The following EPB41L3 variants were observed in gnomAD, a reference collection of about 807,000 sequenced individuals.
EPB41L3 encodes erythrocyte membrane protein band 4.1 like 3.
Under a neutral mutation model 127.1 loss-of-function variants are expected in EPB41L3, and 57 were observed. That is an observed-to-expected ratio of 0.45 (90% CI 0.36 to 0.56). The LOEUF (loss-of-function observed/expected upper bound fraction) is 0.56. Among genes scored for constraint, EPB41L3 ranks in the 20% least tolerant of loss-of-function variants. The pLI, the probability that EPB41L3 is intolerant of heterozygous loss-of-function variation, is 0.00. For missense variants in EPB41L3, 1,273 were observed against 1,372.2 expected, an observed-to-expected ratio of 0.93 and a Z score of 1.14; for synonymous variants, 572 against 549.5, an observed-to-expected ratio of 1.04 and a Z score of -0.57.
Position 5,416,078 on chromosome 18 carries a change from C to A in EPB41L3, c.1807G>T (p.Asp603Tyr), listed in dbSNP as rs1054956720. ...AGGTTGGGGAAAGAGAGGTATCCAT[C>A]ATCATCTAGGAGGGAGGGGAATGAC... is the stretch of plus-strand genomic sequence containing the variant. Reference protein sequence around the residue: ...PESFPSLLDDDGYLSFPNLSE... With the variant: ...PESFPSLLDDYGYLSFPNLSE... The change falls in exon 13 of 23, where the codon GAT (aspartate) becomes TAT (tyrosine). Residue 603 changes from aspartate to tyrosine, a missense_variant. By Grantham distance (160) the Asp-to-Tyr change is radical. Around this residue, in one of 3 missense-constraint regions of EPB41L3, gnomAD observed 765 missense variants for 782.9 expected, o/e 0.98. Coordinates refer to ENST00000341928, the MANE Select transcript of EPB41L3 (RefSeq NM_012307.5). 7 of 1,612,800 alleles carry A rather than the reference C, an allele frequency of 4.3e-6. No individual in the cohort carries two copies. Among genetic ancestry groups the A allele is most frequent in the African/African-American group, 2.7e-5 (2 of 74,872 alleles).
At position 5,415,958 on chromosome 18, in the gene EPB41L3, G is replaced by C; in HGVS notation, c.1927C>G (p.Leu643Val). 3 of 1,614,134 alleles carry C rather than the reference G, an allele frequency of 1.9e-6. No individual in the cohort carries two copies. The South Asian group carries it at 3.3e-5, about 18-fold the overall frequency. Residue 643 changes from leucine to valine, a missense_variant, in exon 13 of 23, where the codon CTG becomes GTG. Coordinates refer to ENST00000341928, the MANE Select transcript of EPB41L3 (RefSeq NM_012307.5). ...VPCFLFIFFF[L>V]LSASFSVPYA... ...GGCACTGAGAAGGAGGCAGACAGCA[G>C]AAAGAAAAAGATGAAGAGGAAACAG...
At position 5,416,253 on chromosome 18, in the gene EPB41L3, C is replaced by T. The variant is rs201925314; in HGVS notation, c.1632G>A (p.Pro544=). The T allele has an allele frequency of 1.9e-5, 30 of 1,614,008 alleles. No individual in the cohort carries two copies. The highest frequency in any genetic ancestry group is 5.3e-5 in the African/African-American group (4 of 74,904). The change falls in exon 13 of 23, where the codon CCG becomes CCA. Residue 544 remains proline (P), a synonymous_variant. Coordinates refer to ENST00000341928, the MANE Select transcript of EPB41L3 (RefSeq NM_012307.5). ...ENDCKLPGYE[P]SRAEHLPGEP... Reference sequence around the variant, plus strand: ...CTCCAGGCAGGTGCTCAGCTCTGGACGGCTCATAACCTGGCAGTTTGCAGT... The same window carrying T: ...CTCCAGGCAGGTGCTCAGCTCTGGATGGCTCATAACCTGGCAGTTTGCAGT...
At chr18:5,398,717 G>A (rs1459123883) in intron 16 of EPB41L3, 1 of 399,378 alleles carries the variant, frequency 2.5e-6, no homozygotes, top group African/African-American at 2.1e-5. Context: ...CTGGTTCCTG[G>A]GAATATCTCC....
chr18:5,563,103 G>A (rs2094154571), intron 3 of EPB41L3, among the ~76,000 whole-genome samples: 1 of 152,204 alleles, frequency 6.6e-6, no homozygotes, highest in Admixed American at 6.5e-5. Flanking sequence ...GAGGATGAGG[G>A]GAAGGGATTC....
intron 6 of EPB41L3, among the ~76,000 whole-genome samples, chr18:5,436,127 G>GT (rs71163228): frequency 0.075 from 11,413 of 152,170 alleles, 562 homozygotes; most frequent in Middle Eastern, 0.13. Context: ...AGACCCCAAG[G>GT]TAAGTGTTAA....
intron 11 of EPB41L3, 193 bp from the exon 12 acceptor site, chr18:5,420,070 G>C (rs1568082965): frequency 8.4e-7 from 1 of 1,191,560 alleles, no homozygotes; most frequent in Non-Finnish European, 1.1e-6. Flanking sequence ...ACAAATCAGT[G>C]CTGCAGGGAC....
intron 3 of EPB41L3, among the ~76,000 whole-genome samples, chr18:5,470,641 A>G (rs900907918): frequency 6.6e-6 from 1 of 152,248 alleles, no homozygotes; most frequent in Non-Finnish European, 1.5e-5. Flanking sequence ...ACAGTCAAAC[A>G]GACTTATGTC....
chr18:5,482,930 CCT>C (rs2088876360), intron 2 of EPB41L3, among the ~76,000 whole-genome samples: 1 of 152,136 alleles, frequency 6.6e-6, no homozygotes, highest in African/African-American at 2.4e-5. Context: ...ATGTATCAAA[CCT>C]AGTGGTAAAA....
intron 10 of EPB41L3, among the ~76,000 whole-genome samples, chr18:5,423,896 A>C (rs1377305800): frequency 2.0e-5 from 3 of 152,144 alleles, no homozygotes; most frequent in Admixed American, 2.0e-4. Flanking sequence ...GCCTAATTTG[A>C]TGGGTCTCGT....
At chr18:5,574,884 T>C (rs2094322339) in intron 3 of EPB41L3, among the ~76,000 whole-genome samples, 1 of 152,154 alleles carries the variant, frequency 6.6e-6, no homozygotes, top group Non-Finnish European at 1.5e-5. Context: ...AGTATGACCA[T>C]ATGCTGAGTC....
At chr18:5,605,667 TC>T (rs1470193092) in intron 3 of EPB41L3, among the ~76,000 whole-genome samples, 1 of 152,158 alleles carries the variant, frequency 6.6e-6, no homozygotes, top group East Asian at 1.9e-4. Context: ...TCAAGTGGTC[TC>T]CCACCTCGGC....
At chr18:5,450,308 C>T in intron 3 of EPB41L3, among the ~76,000 whole-genome samples, 1 of 152,052 alleles carries the variant, frequency 6.6e-6, no homozygotes, top group East Asian at 1.9e-4. Flanking sequence ...GGATGAACAG[C>T]ACAAAGAACA....
intron 5 of EPB41L3, among the ~76,000 whole-genome samples, chr18:5,439,649 A>G (rs2080379996): frequency 6.6e-6 from 1 of 152,210 alleles, no homozygotes; most frequent in African/African-American, 2.4e-5. Flanking sequence ...CATTCAAAAT[A>G]TATCTGTCAG....
At chr18:5,423,849 A>G (rs369704015) in intron 10 of EPB41L3, among the ~76,000 whole-genome samples, 3 of 152,338 alleles carry the variant, frequency 2.0e-5, no homozygotes, top group African/African-American at 7.2e-5. Flanking sequence ...ATAGTTTGAT[A>G]TTAGTGAAGA....
intron 9 of EPB41L3, among the ~76,000 whole-genome samples, chr18:5,428,054 C>T (rs908531892): frequency 5.9e-5 from 9 of 152,200 alleles, no homozygotes; most frequent in Non-Finnish European, 8.8e-5. Flanking sequence ...CGCACCCGGC[C>T]GAGACTGGAT....
chr18:5,468,857 A>C (rs913736475), intron 3 of EPB41L3, among the ~76,000 whole-genome samples: 1 of 152,218 alleles, frequency 6.6e-6, no homozygotes, highest in Non-Finnish European at 1.5e-5. Context: ...TGGAGATTTC[A>C]GTGAGCTGAG....
At chr18:5,470,358 T>C (rs1000779204) in intron 3 of EPB41L3, among the ~76,000 whole-genome samples, 1 of 152,238 alleles carries the variant, frequency 6.6e-6, no homozygotes, top group African/African-American at 2.4e-5. Context: ...AGCAAAACTT[T>C]ACATTAAAGT....
chr18:5,416,342 G>A lies in EPB41L3; in HGVS notation c.1543C>T (p.Pro515Ser), dbSNP rs770217031. 3 of 1,613,860 alleles carry A rather than the reference G, an allele frequency of 1.9e-6. No individual in the cohort carries two copies. The highest frequency in any genetic ancestry group is 2.2e-5 in the East Asian group (1 of 44,884). ...GLGTDSCPLSPPSTHCAPTSP... is the reference protein window; with the variant it reads ...GLGTDSCPLSSPSTHCAPTSP... ...GTGGGGGCACAATGGGTGGATGGGG[G>A]TGACAAGGGACATGAGTCAGTGCCA... The change falls in exon 13 of 23, where the codon CCC becomes TCC. Residue 515 changes from proline to serine, a missense_variant. Physicochemically the swap from Pro to Ser is moderately conservative, Grantham distance 74. Around this residue, in one of 3 missense-constraint regions of EPB41L3, gnomAD observed 765 missense variants for 782.9 expected, o/e 0.98. Coordinates refer to ENST00000341928, the MANE Select transcript of EPB41L3 (RefSeq NM_012307.5).
intron 3 of EPB41L3, among the ~76,000 whole-genome samples, chr18:5,597,043 C>T (rs115296989): frequency 0.012 from 1,775 of 152,110 alleles, 28 homozygotes; most frequent in African/African-American, 0.035. Context: ...GGCAACTTTG[C>T]GACACCCCCA....
Sources: gnomAD v4.1 joint callset for allele counts (sites outside exome capture counted in the v4.1 genomes callset) on GRCh38, gnomAD v4.1.1 for gene constraint, gnomAD v4.1.1 regional missense constraint, MANE v1.5 for transcripts, NCBI Gene and HGNC (gene_info 2026-07-23, HGNC 2026-07-21) for gene names.